EHBP1: variants seen among roughly 807,000 people sequenced by gnomAD.
EHBP1 encodes EH domain-binding protein 1.
EHBP1 carries 55 observed loss-of-function variants against 144.0 expected under a neutral mutation model. The observed-to-expected ratio is 0.38, with a 90% CI of 0.31 to 0.48. EHBP1 has a LOEUF of 0.48. Ranked by LOEUF, EHBP1 falls within the 20% of genes least tolerant of loss-of-function variation. The probability of loss-of-function intolerance (pLI) is 0.98; values close to 1 mark genes in which losing one functional copy is unlikely to be tolerated. For missense variants in EHBP1, 1,200 were observed against 1,364.2 expected, an observed-to-expected ratio of 0.88 and a Z score of 1.90; for synonymous variants, 469 against 472.7, an observed-to-expected ratio of 0.99 and a Z score of 0.10.
At chr2:62,913,302 C>T (rs1411694639) in intron 10 of EHBP1, among the ~76,000 whole-genome samples, 1 of 152,142 alleles carries the variant, frequency 6.6e-6, no homozygotes, top group African/African-American at 2.4e-5. Context: ...TTTAAAGGCC[C>T]TTCCCACTAG....
At chr2:62,909,511 A>G (rs983553056) in intron 10 of EHBP1, among the ~76,000 whole-genome samples, 1 of 152,184 alleles carries the variant, frequency 6.6e-6, no homozygotes, top group African/African-American at 2.4e-5. Context: ...AAACTGTGTC[A>G]GAATATGCTG....
intron 3 of EHBP1, among the ~76,000 whole-genome samples, chr2:62,755,221 G>T (rs189223968): frequency 1.2e-4 from 18 of 152,306 alleles, no homozygotes; most frequent in Middle Eastern, 3.4e-3. Flanking sequence ...CATAAGACTA[G>T]TGTTGCTTGT....
intron 5 of EHBP1, among the ~76,000 whole-genome samples, chr2:62,779,713 A>G (rs560599488): frequency 1.1e-4 from 16 of 152,326 alleles, no homozygotes; most frequent in African/African-American, 3.8e-4. Context: ...AAAGCAATGT[A>G]TAGAGGACCC....
intron 5 of EHBP1, among the ~76,000 whole-genome samples, chr2:62,818,889 TA>T (rs2045653972): frequency 6.6e-6 from 1 of 152,182 alleles, no homozygotes; most frequent in African/African-American, 2.4e-5. Context: ...AAAGATATAT[TA>T]AATTATTGTA....
chr2:62,840,560 G>T (rs112363983), intron 7 of EHBP1, among the ~76,000 whole-genome samples: 1 of 150,992 alleles, frequency 6.6e-6, no homozygotes, highest in African/African-American at 2.4e-5. Context: ...GCAACCTACA[G>T]AATGGGAGAA....
intron 14 of EHBP1, among the ~76,000 whole-genome samples, chr2:62,974,141 A>G (rs2058613533): frequency 6.6e-6 from 1 of 152,210 alleles, no homozygotes; most frequent in South Asian, 2.1e-4. Context: ...CCAGATACTA[A>G]TAAAATTTCA....
chr2:63,004,761 G>A lies in EHBP1; in HGVS notation c.3103+7995G>A, dbSNP rs2059971756. Among the ~76,000 whole-genome samples, 3 of 152,106 alleles carry A rather than the reference G, an allele frequency of 2.0e-5. No individual in the cohort carries two copies. The South Asian group carries it at 6.2e-4, about 32-fold the overall frequency. ...CATTTATTGTAATTTTGTGGTGCTA[G>A]AATTAGTAATGGATCCCCTTAATAT... On this transcript the variant is annotated intron_variant, in intron 19 of 22. Coordinates refer to ENST00000431489, the MANE Select transcript of EHBP1 (RefSeq NM_001142616.3).
At chr2:62,879,679 T>A (rs888578301) in intron 10 of EHBP1, among the ~76,000 whole-genome samples, 26 of 147,410 alleles carry the variant, frequency 1.8e-4, no homozygotes, top group Admixed American at 1.7e-3. Flanking sequence ...ATAATGAGAA[T>A]TACAAAACAC....
chr2:63,044,600 C>G (rs2061849866), intron 21 of EHBP1: 1 of 152,506 alleles, frequency 6.6e-6, no homozygotes, highest in Non-Finnish European at 1.5e-5. Flanking sequence ...GAAGAATGGG[C>G]TGTTTGGGGT....
chr2:62,828,992 C>T (rs993466593), intron 6 of EHBP1, among the ~76,000 whole-genome samples: 11 of 151,946 alleles, frequency 7.2e-5, no homozygotes, highest in African/African-American at 2.7e-4. Flanking sequence ...GTGCTCTACA[C>T]CTGGGGTCCC....
intron 7 of EHBP1, among the ~76,000 whole-genome samples, chr2:62,837,388 C>A (rs1453379019): frequency 6.8e-6 from 1 of 146,530 alleles, no homozygotes; most frequent in African/African-American, 2.5e-5. Flanking sequence ...CAAAATCATG[C>A]CAAAATGTAA....
At chr2:62,778,595 T>C (rs2152401303) in intron 5 of EHBP1, among the ~76,000 whole-genome samples, 1 of 151,992 alleles carries the variant, frequency 6.6e-6, no homozygotes, top group Admixed American at 6.5e-5. Context: ...CTCTGCTTTG[T>C]TTCTTTTGTT....
At chr2:63,008,181 AAACATC>A (rs2060122959) in intron 19 of EHBP1, among the ~76,000 whole-genome samples, 1 of 151,808 alleles carries the variant, frequency 6.6e-6, no homozygotes, top group Non-Finnish European at 1.5e-5. Flanking sequence ...TTACAAGCTA[AAACATC>A]CAGTGATAAG....
chr2:62,981,686 G>C (rs1429490515), intron 15 of EHBP1, among the ~76,000 whole-genome samples: 1 of 152,172 alleles, frequency 6.6e-6, no homozygotes, highest in African/African-American at 2.4e-5. Flanking sequence ...GGTAATGAGG[G>C]ACAGTAAAGA....
chr2:62,882,838 C>T (rs1041472834), intron 10 of EHBP1, among the ~76,000 whole-genome samples: 3 of 151,392 alleles, frequency 2.0e-5, no homozygotes, highest in African/African-American at 4.9e-5. Flanking sequence ...GCCGAGATGG[C>T]GCCATTGCAC....
chr2:62,751,946 A>AT (rs998031286), intron 3 of EHBP1, among the ~76,000 whole-genome samples: 112 of 146,754 alleles, frequency 7.6e-4, no homozygotes, highest in East Asian at 9.9e-4. Flanking sequence ...TCCTGGATTC[A>AT]TTTTTTTTTT....
intron 1 of EHBP1, among the ~76,000 whole-genome samples, chr2:62,679,102 T>C (rs1489524241): frequency 6.6e-6 from 1 of 152,244 alleles, no homozygotes; most frequent in African/African-American, 2.4e-5. Flanking sequence ...CTCTATAGCC[T>C]ATGCTTTGTA....
At chr2:62,835,991 C>G (rs1453168958) in intron 7 of EHBP1, among the ~76,000 whole-genome samples, 1 of 151,798 alleles carries the variant, frequency 6.6e-6, no homozygotes, top group Non-Finnish European at 1.5e-5. Flanking sequence ...GAGCCCACCA[C>G]AGCTCAAGGA....
chr2:62,756,454 G>A (rs1322536194), intron 3 of EHBP1, among the ~76,000 whole-genome samples: 1 of 152,156 alleles, frequency 6.6e-6, no homozygotes, highest in African/African-American at 2.4e-5. Context: ...GTATGATGCA[G>A]TATGTTCATG....
Sources: gnomAD v4.1 joint callset for allele counts (sites outside exome capture counted in the v4.1 genomes callset) on GRCh38, gnomAD v4.1.1 for gene constraint, MANE v1.5 for transcripts, NCBI Gene and HGNC (gene_info 2026-07-23, HGNC 2026-07-21) for gene names.